Variants in CLEC1A observed in about 807,000 individuals in gnomAD.
CLEC1A encodes C-type lectin-like receptor-1.
CLEC1A carries 34 observed loss-of-function variants against 28.7 expected under a neutral mutation model. The ratio of observed to expected loss-of-function variants is 1.18; its 90% confidence interval spans 0.90 to 1.57. CLEC1A has a LOEUF of 1.57. Among genes scored for constraint, CLEC1A ranks in the 40% most tolerant of loss-of-function variants. The pLI, the probability that CLEC1A is intolerant of heterozygous loss-of-function variation, is 0.00. For missense variants in CLEC1A, 385 were observed against 339.5 expected, an observed-to-expected ratio of 1.13 and a Z score of -1.05; for synonymous variants, 116 against 121.0, an observed-to-expected ratio of 0.96 and a Z score of 0.27.
chr12:10,071,157 G>A lies in CLEC1A; in HGVS notation c.*176C>T, dbSNP rs775742680. 46 of 533,110 alleles carry A rather than the reference G, an allele frequency of 8.6e-5. No individual in the cohort carries two copies. The highest frequency in any genetic ancestry group is 1.3e-4 in the Non-Finnish European group (40 of 311,210). The allele number at this position is 533,110 out of a possible 1,614,324, so 33.0% of individuals were successfully genotyped here. The stretch of plus-strand genomic sequence containing the variant: ...AAGACTTCTTGTGACTGTTAAATAC[G>A]TGCATAAACCCAAGCTCAGAAATGC... On this transcript the variant is annotated 3_prime_UTR_variant, in exon 6 of 6. Transcript: ENST00000315330.
intron 2 of CLEC1A, among the ~76,000 whole-genome samples, chr12:10,087,243 C>T (rs1332803649): frequency 1.4e-5 from 2 of 145,016 alleles, no homozygotes; most frequent in Non-Finnish European, 3.0e-5. Flanking sequence ...CTGAATCCAA[C>T]AGCACATCAA....
intron 3 of CLEC1A, among the ~76,000 whole-genome samples, chr12:10,079,779 A>G (rs1866328209): frequency 6.6e-6 from 1 of 152,072 alleles, no homozygotes; most frequent in South Asian, 2.1e-4. Flanking sequence ...AGATCATGCC[A>G]CTGCACTCCA....
At position 10,089,114 on chromosome 12, in the gene CLEC1A, G is replaced by A. The variant is rs375764948; in HGVS notation, c.214+10C>T. Reference sequence around the variant, plus strand: ...CCAGGATCCTCCCCCAGGTCAGAGCGCAGACTTACACAAAAGCCCCAGGGC... The same window carrying A: ...CCAGGATCCTCCCCCAGGTCAGAGCACAGACTTACACAAAAGCCCCAGGGC... On this transcript the variant is annotated intron_variant, in intron 2 of 5. Transcript: ENST00000315330. 182 of 1,603,988 alleles carry A rather than the reference G, an allele frequency of 1.1e-4. No homozygotes were observed. The African/African-American group carries it at 2.1e-3, about 19-fold the overall frequency.
At chr12:10,083,166 G>C (rs370706577) in intron 2 of CLEC1A, among the ~76,000 whole-genome samples, 1 of 152,296 alleles carries the variant, frequency 6.6e-6, no homozygotes, top group South Asian at 2.1e-4. Context: ...AAGGGGGAGA[G>C]CACAACATCA....
chr12:10,090,291 T>A (rs1361722682), intron 1 of CLEC1A, among the ~76,000 whole-genome samples: 2 of 152,112 alleles, frequency 1.3e-5, no homozygotes, highest in African/African-American at 4.8e-5. Context: ...TACAGAGATT[T>A]TCCAGGCTGG....
At chr12:10,095,971 T>C (rs190232061) in intron 1 of CLEC1A, among the ~76,000 whole-genome samples, 1 of 152,316 alleles carries the variant, frequency 6.6e-6, no homozygotes, top group African/African-American at 2.4e-5. Context: ...CTCTCTTCTG[T>C]TCATTCATGT....
intron 2 of CLEC1A, among the ~76,000 whole-genome samples, chr12:10,085,808 C>T (rs1866481070): frequency 6.6e-6 from 1 of 152,112 alleles, no homozygotes; most frequent in East Asian, 1.9e-4. Flanking sequence ...AAACAGTGGA[C>T]TTAAAACTAT....
At chr12:10,082,748 C>T (rs1395847694) in intron 2 of CLEC1A, among the ~76,000 whole-genome samples, 1 of 151,898 alleles carries the variant, frequency 6.6e-6, no homozygotes, top group Non-Finnish European at 1.5e-5. Flanking sequence ...GCCAACAACT[C>T]AAACCATTAG....
At position 10,080,733 on chromosome 12, in the gene CLEC1A, T is replaced by A. The variant is rs578122186; in HGVS notation, c.391+504A>T. On this transcript the variant is annotated intron_variant, in intron 3 of 5. Transcript: ENST00000315330. ...GTAATTTTATCAACGGTGGTTCACCTACCATTGGCACTGTCATCATCTGTG... is the reference window on the plus strand; with the variant it reads ...GTAATTTTATCAACGGTGGTTCACCAACCATTGGCACTGTCATCATCTGTG... 1.1e-4 allele frequency among the ~76,000 whole-genome samples: 16 copies of A among 152,360 alleles called. No individual in the cohort carries two copies. The East Asian group carries it at 3.1e-3, about 29-fold the overall frequency.
intron 4 of CLEC1A, among the ~76,000 whole-genome samples, chr12:10,074,537 T>C (rs1284690471): frequency 6.6e-6 from 1 of 152,168 alleles, no homozygotes; most frequent in Non-Finnish European, 1.5e-5. Context: ...CGTGATATAA[T>C]ATAGTTCAGT....
intron 2 of CLEC1A, among the ~76,000 whole-genome samples, chr12:10,088,661 A>G (rs1866551069): frequency 6.6e-6 from 1 of 152,118 alleles, no homozygotes; most frequent in Non-Finnish European, 1.5e-5. Context: ...AAGTGACTGT[A>G]TAACTTCCTG....
chr12:10,089,463 C>A (rs564992359), intron 1 of CLEC1A, among the ~76,000 whole-genome samples: 1 of 152,002 alleles, frequency 6.6e-6, no homozygotes, highest in East Asian at 1.9e-4. Context: ...CCCCTCAAGT[C>A]TTACTTTGCA....
At chr12:10,080,514 C>T (rs911139793) in intron 3 of CLEC1A, among the ~76,000 whole-genome samples, 2 of 152,046 alleles carry the variant, frequency 1.3e-5, no homozygotes, top group Non-Finnish European at 2.9e-5. Context: ...ACTTTGCCCT[C>T]CTTCAGAGTT....
Position 10,081,267 on chromosome 12 carries a change from G to A in CLEC1A, c.361C>T (p.Leu121Phe). 1 of 1,609,870 alleles carries A rather than the reference G, an allele frequency of 6.2e-7. No homozygotes were observed. Among genetic ancestry groups the A allele is most frequent in the Non-Finnish European group, 8.5e-7 (1 of 1,177,764 alleles). The part of the protein sequence containing the change: ...AGSLQHVAEK[L>F]CRELYNKAGA... ...GCTTTGTTATACAGCTCACGACAGAGTTTTTCAGCCACATGCTGCAGACTT... is the reference window on the plus strand; with the variant it reads ...GCTTTGTTATACAGCTCACGACAGAATTTTTCAGCCACATGCTGCAGACTT... Residue 121 changes from leucine to phenylalanine, a missense_variant, in exon 3 of 6, where the codon CTC becomes TTC. By Grantham distance (22) the Leu-to-Phe change is conservative. Coordinates refer to ENST00000315330, the MANE Select transcript of CLEC1A (RefSeq NM_016511.4).
At chr12:10,072,736 T>C (rs544449242) in intron 5 of CLEC1A, among the ~76,000 whole-genome samples, 7 of 152,148 alleles carry the variant, frequency 4.6e-5, no homozygotes, top group African/African-American at 1.7e-4. Context: ...ACCCTGATAT[T>C]TTACTAATGC....
At chr12:10,074,697 ATAT>A (rs1324587341) in intron 4 of CLEC1A, among the ~76,000 whole-genome samples, 1 of 152,250 alleles carries the variant, frequency 6.6e-6, no homozygotes, top group Non-Finnish European at 1.5e-5. Flanking sequence ...GGGTTATAAA[ATAT>A]TAGTAGCCGA....
Position 10,098,939 on chromosome 12 carries a change from G to A in CLEC1A, c.-17C>T, listed in dbSNP as rs1411180156. 3 of 1,587,526 alleles carry A rather than the reference G, an allele frequency of 1.9e-6. No homozygotes were observed. The highest frequency in any genetic ancestry group is 2.3e-5 in the East Asian group (1 of 44,432). On this transcript the variant is annotated 5_prime_UTR_variant, in exon 1 of 6. Coordinates refer to ENST00000315330, the MANE Select transcript of CLEC1A (RefSeq NM_016511.4). ...GGCCTGCATCTGGATTCCTACAGCG[G>A]TGAGAGTGAAATGTGGTCGGATTGC...
Position 10,075,508 on chromosome 12 carries a change from T to A in CLEC1A, c.539A>T (p.Asp180Val), listed in dbSNP as rs1279221395. Reference sequence around the variant, plus strand: ...TGAAAAGCCTCAGAATCTTACCAGGTCTTCTTGTTTGTTTATCTTCAGCAT... The same window carrying A: ...TGAAAAGCCTCAGAATCTTACCAGGACTTCTTGTTTGTTTATCTTCAGCAT... ...STMLKINKQEDLEFAASQSYS... is the reference protein window; with the variant it reads ...STMLKINKQEVLEFAASQSYS... Residue 180 changes from aspartate (D) to valine (V), a missense_variant, in exon 4 of 6, where the codon GAC becomes GTC. Asp to Val is a radical substitution (Grantham distance 152). Transcript: ENST00000315330. 1.9e-6 allele frequency: 3 copies of A among 1,613,594 alleles called. No homozygotes were observed. Among genetic ancestry groups the A allele is most frequent in the Non-Finnish European group, 2.5e-6 (3 of 1,179,828 alleles).
chr12:10,085,196 A>AACACACACAC lies in CLEC1A; in HGVS notation c.215-3793_215-3784dup, dbSNP rs144572464. Among the ~76,000 whole-genome samples the AACACACACAC allele has an allele frequency of 9.7e-3, 1,254 of 129,112 alleles. 16 individuals carry two copies. Among genetic ancestry groups the AACACACACAC allele is most frequent in the Middle Eastern group, 0.024 (6 of 252 alleles). 84.7% of individuals were successfully genotyped at this position (129,112 alleles called of 152,430 possible). Reference sequence around the variant, plus strand: ...AATCTCACAGGACCTATAAGACAATAACACACACACACACACACACACACA... The same window carrying AACACACACAC: ...AATCTCACAGGACCTATAAGACAATAACACACACACACACACACACACACACACACACACA... On this transcript the variant is annotated intron_variant, in intron 2 of 5. Coordinates refer to ENST00000315330, the MANE Select transcript of CLEC1A (RefSeq NM_016511.4).
Sources: gnomAD v4.1 joint callset for allele counts (sites outside exome capture counted in the v4.1 genomes callset) on GRCh38, gnomAD v4.1.1 for gene constraint, MANE v1.5 for transcripts, NCBI Gene and HGNC (gene_info 2026-07-23, HGNC 2026-07-21) for gene names.